NYNRIN: variants seen among roughly 807,000 people sequenced by gnomAD.
NYNRIN encodes NYN domain and retroviral integrase containing.
Under a neutral mutation model 146.6 loss-of-function variants are expected in NYNRIN, and 86 were observed. That is an observed-to-expected ratio of 0.59 (90% CI 0.49 to 0.70). The LOEUF (loss-of-function observed/expected upper bound fraction) is 0.70, where lower values mean the gene tolerates loss of function less well. Ranked by LOEUF, NYNRIN falls within the 30% of genes least tolerant of loss-of-function variation. NYNRIN has a pLI of 0.00. For synonymous variants in NYNRIN, 1,027 were observed against 1,001.3 expected (o/e 1.03, Z -0.48); for missense variants, 2,191 against 2,377.7 (o/e 0.92, Z 1.63).
chr14:24,405,979 C>T (rs1191747627), intron 2 of NYNRIN, among the ~76,000 whole-genome samples: 3 of 151,800 alleles, frequency 2.0e-5, no homozygotes, highest in African/African-American at 4.8e-5. Flanking sequence ...CTGACCAACA[C>T]GGCAAAACCC....
chr14:24,399,321 G>T lies in NYNRIN; in HGVS notation c.75G>T (p.Gln25His), dbSNP rs750094778. Residue 25 changes from glutamine (Q) to histidine (H), a missense_variant, in exon 2 of 9, where the codon CAG becomes CAT. Physicochemically the swap from Gln to His is conservative, Grantham distance 24 (BLOSUM62 0). Coordinates refer to ENST00000382554, the MANE Select transcript of NYNRIN (RefSeq NM_025081.3). ...MVQTKSKPRV[Q>H]RQRLQVQRIF... ...AGACAAAATCGAAGCCTCGGGTGCA[G>T]CGGCAGCGGCTGCAAGTGCAGCGCA... The T allele has an allele frequency of 1.2e-6, 2 of 1,613,780 alleles. No individual in the cohort carries two copies. The highest frequency in any genetic ancestry group is 2.2e-5 in the South Asian group (2 of 91,082).
chr14:24,414,425 G>A (rs929886678), intron 8 of NYNRIN, among the ~76,000 whole-genome samples, 171 bp from the exon 9 acceptor site: 1 of 152,258 alleles, frequency 6.6e-6, no homozygotes, highest in East Asian at 1.9e-4. Flanking sequence ...CATGCATGAG[G>A]TAGAGGAAGT....
In NYNRIN at chr14:24,409,818, C is replaced by A. The variant is rs1594740413; in HGVS notation, c.2024C>A (p.Ser675Tyr). The A allele has an allele frequency of 6.2e-7, 1 of 1,613,402 alleles. No homozygotes were observed. The highest frequency in any genetic ancestry group is 1.3e-5 in the African/African-American group (1 of 75,050). Reference sequence around the variant, plus strand: ...AAAGTACCTGTGACCCCCAGAGTCTCCAGAGCTCCCAAAACACCTGCAGCT... The same window carrying A: ...AAAGTACCTGTGACCCCCAGAGTCTACAGAGCTCCCAAAACACCTGCAGCT... ...APKVPVTPRVSRAPKTPAAQK... is the reference protein window; with the variant it reads ...APKVPVTPRVYRAPKTPAAQK... The change falls in exon 4 of 9, where the codon TCC becomes TAC. Residue 675 changes from serine to tyrosine, a missense_variant. Physicochemically the swap from Ser to Tyr is moderately radical, Grantham distance 144 (BLOSUM62 -2). Transcript: ENST00000382554.
intron 2 of NYNRIN, among the ~76,000 whole-genome samples, chr14:24,403,122 A>C (rs2042855277): frequency 6.6e-6 from 1 of 152,246 alleles, no homozygotes; most frequent in South Asian, 2.1e-4. Flanking sequence ...ATCTACGTTT[A>C]GCATTGCCTC....
Position 24,411,381 on chromosome 14 carries a change from C to A in NYNRIN, c.2573C>A (p.Ser858Ter). 1 of 1,614,032 alleles carries A rather than the reference C, an allele frequency of 6.2e-7. No individual in the cohort carries two copies. The highest frequency in any genetic ancestry group is 8.5e-7 in the Non-Finnish European group (1 of 1,179,898). Residue 858 changes from serine (S) to a stop codon, truncating the protein, a stop_gained, in exon 6 of 9, where the codon TCG becomes TAG. Transcript: ENST00000382554. LOFTEE classifies it high-confidence loss of function. The surrounding 1 kb of genome is among the most constrained non-coding windows in gnomAD (Gnocchi z 4.3). ...AGCCACTTTCTGACGAAGCTACACT[C>A]GCTCAAGATGCTTTCAATCACACCC... ...RESHFLTKLH[S>*]LKMLSITPSQ...
rs554256112 is a variant in NYNRIN at position 24,411,652 on chromosome 14, C to G, written c.2642+202C>G. On this transcript the variant is annotated intron_variant, in intron 6 of 8. Coordinates refer to ENST00000382554, the MANE Select transcript of NYNRIN (RefSeq NM_025081.3). This position sits in a 1 kb window ranked among gnomAD's most constrained non-coding sequence, Gnocchi z 4.3. The stretch of plus-strand genomic sequence containing the variant: ...AGGAAAGGGCTTGAGGTTGGCTCTC[C>G]CCAAGCCCGGAGTTGTTTCTGACTT... 6.6e-6 allele frequency among the ~76,000 whole-genome samples: 1 copy of G among 152,294 alleles called. No individual in the cohort carries two copies. Among genetic ancestry groups the G allele is most frequent in the African/African-American group, 2.4e-5 (1 of 41,562 alleles).
Position 24,414,924 on chromosome 14 carries a change from G to C in NYNRIN, c.3175G>C (p.Gly1059Arg), listed in dbSNP as rs781725280. The C allele has an allele frequency of 1.2e-6, 2 of 1,601,138 alleles. No homozygotes were observed. Among genetic ancestry groups the C allele is most frequent in the Admixed American group, 1.7e-5 (1 of 59,598 alleles). The change falls in exon 9 of 9, where the codon GGG becomes CGG. Residue 1059 changes from glycine (G) to arginine (R), a missense_variant. Gly to Arg is a moderately radical substitution (Grantham distance 125). This residue lies in a region of NYNRIN where 1,291 missense variants were observed against 1,417.0 expected (regional missense o/e 0.91). Coordinates refer to ENST00000382554, the MANE Select transcript of NYNRIN (RefSeq NM_025081.3). ...DGALDIDLLP[G>R]AASPYLGIPW... is the part of the protein sequence containing the mutation. ...GGCCCTGGACATCGACCTCCTGCCA[G>C]GGGCAGCTTCTCCCTACCTGGGCAT... is the stretch of plus-strand genomic sequence containing the variant.
At chr14:24,402,003 A>G (rs74036623) in intron 2 of NYNRIN, among the ~76,000 whole-genome samples, 2 of 151,988 alleles carry the variant, frequency 1.3e-5, no homozygotes, top group Admixed American at 6.5e-5. Context: ...GGCAGAGAGG[A>G]CTCTGGGAGA....
In NYNRIN at chr14:24,408,742, A is replaced by G. The variant is rs761593296; in HGVS notation, c.948A>G (p.Thr316=). The change falls in exon 4 of 9, where the codon ACA becomes ACG. Residue 316 remains threonine, a synonymous_variant. Coordinates refer to ENST00000382554, the MANE Select transcript of NYNRIN (RefSeq NM_025081.3). ...ATSSQDSTNH[T]QALLKQRQVQ... ...GCAGCCAGGACTCCACGAACCACAC[A>G]CAAGCCTTGTTGAAGCAAAGGCAGG... 6 of 1,613,968 alleles carry G rather than the reference A, an allele frequency of 3.7e-6. No homozygotes were observed.
At chr14:24,404,696 G>C (rs1003339217) in intron 2 of NYNRIN, among the ~76,000 whole-genome samples, 4 of 152,156 alleles carry the variant, frequency 2.6e-5, no homozygotes, top group African/African-American at 9.7e-5. Flanking sequence ...TAGGGACCCC[G>C]TTTTGTGATC....
rs2042957952 is a variant in NYNRIN at position 24,417,702 on chromosome 14, T to C, written c.*256T>C. The C allele has an allele frequency of 2.2e-6, 1 of 462,636 alleles. No homozygotes were observed. Among genetic ancestry groups the C allele is most frequent in the African/African-American group, 1.9e-5 (1 of 51,350 alleles). The allele number at this position is 462,636 out of a possible 1,614,324, so 28.7% of individuals were successfully genotyped here. On this transcript the variant is annotated 3_prime_UTR_variant, in exon 9 of 9. Coordinates refer to ENST00000382554, the MANE Select transcript of NYNRIN (RefSeq NM_025081.3). ...TCCCTGGCAGTTTTACACTGGGAAA[T>C]GGAGTGCTCCTCTAGGCTATACCAG...
intron 2 of NYNRIN, among the ~76,000 whole-genome samples, chr14:24,405,839 A>C (rs537619285): frequency 6.6e-6 from 1 of 152,204 alleles, no homozygotes; most frequent in Non-Finnish European, 1.5e-5. Context: ...TATTTTAAAA[A>C]TTATCACAGT....
rs1039424741 is a variant in NYNRIN, at chr14:24,408,318, C to T, written c.648C>T (p.Ser216=). 4.3e-6 allele frequency: 7 copies of T among 1,613,452 alleles called. No homozygotes were observed. The highest frequency in any genetic ancestry group is 1.3e-5 in the African/African-American group (1 of 74,940). ...GCTTCGGCATCTCTGACTCCCACTC[C>T]GATCCGGAGGTTCTAATCTGCCCTC... ...LSRFGISDSH[S]DPEVLICPPQ... is the part of the protein sequence containing the mutation. The change falls in exon 3 of 9, where the codon TCC becomes TCT. Residue 216 remains serine (S), a synonymous_variant. Coordinates refer to ENST00000382554, the MANE Select transcript of NYNRIN (RefSeq NM_025081.3).
chr14:24,406,882 T>G (rs2042878385), intron 2 of NYNRIN, among the ~76,000 whole-genome samples: 1 of 152,256 alleles, frequency 6.6e-6, no homozygotes, highest in Non-Finnish European at 1.5e-5. Flanking sequence ...CCCCAGCCAC[T>G]GCTAAAGATG....
At chr14:24,412,771 A>C in intron 6 of NYNRIN, 5 of 442,806 alleles carry the variant, frequency 1.1e-5, no homozygotes, top group African/African-American at 2.0e-5. Flanking sequence ...ACAGCTGGGA[A>C]TGCGTGCATC....
Position 24,408,752 on chromosome 14 carries a change from T to A in NYNRIN, c.958T>A (p.Leu320Met). 6.2e-7 allele frequency: 1 copy of A among 1,613,910 alleles called. No individual in the cohort carries two copies. Residue 320 changes from leucine to methionine, a missense_variant, in exon 4 of 9, where the codon TTG becomes ATG. This residue lies in a region of NYNRIN where 895 missense variants were observed against 941.2 expected (regional missense o/e 0.95). Transcript: ENST00000382554. ...CTCCACGAACCACACACAAGCCTTG[T>A]TGAAGCAAAGGCAGGTCCAGAAGAT... ...QDSTNHTQAL[L>M]KQRQVQKIED...
At chr14:24,410,438 A>T (rs1176933684) in intron 4 of NYNRIN, among the ~76,000 whole-genome samples, 1 of 152,208 alleles carries the variant, frequency 6.6e-6, no homozygotes. Context: ...TGTCTGATAG[A>T]TGCTGAAGCA....
Position 24,411,343 on chromosome 14 carries a change from T to G in NYNRIN, c.2546-11T>G. The G allele has an allele frequency of 6.2e-7, 1 of 1,613,828 alleles. No individual in the cohort carries two copies. The highest frequency in any genetic ancestry group is 8.5e-7 in the Non-Finnish European group (1 of 1,179,774). On this transcript the variant is annotated splice_polypyrimidine_tract_variant and intron_variant, in intron 5 of 8. Transcript: ENST00000382554. This position sits in a 1 kb window ranked among gnomAD's most constrained non-coding sequence, Gnocchi z 4.3. ...CCTTGACCATTTCTGTCTTCTGCCTTTCACCCCCAGAGAGCCACTTTCTGA... is the reference window on the plus strand; with the variant it reads ...CCTTGACCATTTCTGTCTTCTGCCTGTCACCCCCAGAGAGCCACTTTCTGA...
chr14:24,411,258 T>C lies in NYNRIN; in HGVS notation c.2545+52T>C. 1 of 1,611,958 alleles carries C rather than the reference T, an allele frequency of 6.2e-7. No homozygotes were observed. The highest frequency in any genetic ancestry group is 1.7e-5 in the Admixed American group (1 of 59,620). On this transcript the variant is annotated intron_variant, in intron 5 of 8. Coordinates refer to ENST00000382554, the MANE Select transcript of NYNRIN (RefSeq NM_025081.3). This position sits in a 1 kb window ranked among gnomAD's most constrained non-coding sequence, Gnocchi z 4.3. ...TCCACAGTGTCACCAAGCTTTCTTC[T>C]CTCTGCCTTGCTGCCCCGACCCTCT...
Sources: gnomAD v4.1 joint callset for allele counts (sites outside exome capture counted in the v4.1 genomes callset) on GRCh38, gnomAD v4.1.1 for gene constraint, gnomAD v4.1.1 regional missense constraint, Gnocchi (gnomAD v3.1) non-coding constraint, MANE v1.5 for transcripts, NCBI Gene and HGNC (gene_info 2026-07-23, HGNC 2026-07-21) for gene names.